The following GLCCI1 variants were observed in gnomAD, a reference collection of about 807,000 sequenced individuals.
GLCCI1 encodes the protein glucocorticoid induced 1, also known as glucocorticoid-induced transcript 1 protein.
GLCCI1 carries 24 observed loss-of-function variants against 52.2 expected under a neutral mutation model. The ratio of observed to expected loss-of-function variants is 0.46; its 90% CI spans 0.33 to 0.65. The LOEUF is 0.65. Ranked by LOEUF, GLCCI1 falls within the 30% of genes least tolerant of loss-of-function variation. GLCCI1 has a pLI of 0.02. For synonymous variants in GLCCI1, 310 were observed against 276.5 expected, an observed-to-expected ratio of 1.12 and a Z score of -1.20; for missense variants, 704 against 701.5, an observed-to-expected ratio of 1.00 and a Z score of -0.04.
At chr7:8,035,451 A>G (rs778177635) in intron 3 of GLCCI1, among the ~76,000 whole-genome samples, 11 of 152,294 alleles carry the variant, frequency 7.2e-5, no homozygotes, top group Admixed American at 7.2e-4. Context: ...GGCGTATCAC[A>G]AGACAGCCAT....
At position 8,008,453 on chromosome 7, in the gene GLCCI1, C is replaced by G. The variant is rs1008573475; in HGVS notation, c.609+4394C>G. Among the ~76,000 whole-genome samples the G allele has an allele frequency of 1.4e-4, 21 of 151,930 alleles. 1 individual carries two copies. The highest frequency in any genetic ancestry group is 4.8e-4 in the African/African-American group (20 of 41,354). On this transcript the variant is annotated intron_variant, in intron 2 of 7. Transcript: ENST00000223145. ...CTGGGACTACAGGCCCCTGCCATCA[C>G]GTCCAGCTAATTTTTGTATTTTTAG...
chr7:8,031,727 AAAC>A (rs1781755176), intron 3 of GLCCI1, among the ~76,000 whole-genome samples: 1 of 142,514 alleles, frequency 7.0e-6, no homozygotes, highest in Non-Finnish European at 1.5e-5. Context: ...ATTTTTAAAA[AAAC>A]AAACAGACTG....
chr7:7,988,949 A>C (rs1487535682), intron 1 of GLCCI1, among the ~76,000 whole-genome samples: 1 of 152,108 alleles, frequency 6.6e-6, no homozygotes, highest in Non-Finnish European at 1.5e-5. Context: ...TCAACTTAAA[A>C]ATTCTTATGT....
chr7:8,060,084 C>A lies in GLCCI1; in HGVS notation c.814-12C>A. ...ACAAATAATTTGATACCACCTTTAT[C>A]TTATCTCATAGGCTACTGGATCAAG... is the stretch of plus-strand genomic sequence containing the variant. On this transcript the variant is annotated splice_polypyrimidine_tract_variant and intron_variant, in intron 4 of 7. Coordinates refer to ENST00000223145, the MANE Select transcript of GLCCI1 (RefSeq NM_138426.4). 1 of 1,602,924 alleles carries A rather than the reference C, an allele frequency of 6.2e-7. No homozygotes were observed. Among genetic ancestry groups the A allele is most frequent in the South Asian group, 1.1e-5 (1 of 88,418 alleles).
chr7:8,077,010 T>G (rs1782889243), intron 6 of GLCCI1, among the ~76,000 whole-genome samples: 1 of 152,170 alleles, frequency 6.6e-6, no homozygotes, highest in South Asian at 2.1e-4. Context: ...ATAATTAAAC[T>G]AAGATTATGC....
chr7:7,970,802 G>A (rs559117181), intron 1 of GLCCI1, among the ~76,000 whole-genome samples: 50 of 152,306 alleles, frequency 3.3e-4, no homozygotes, highest in Non-Finnish European at 6.0e-4. Context: ...AGCTAATATT[G>A]TTAGATACCG....
intron 3 of GLCCI1, among the ~76,000 whole-genome samples, chr7:8,028,616 G>GCT (rs778650958): frequency 1.3e-4 from 19 of 151,978 alleles, no homozygotes; most frequent in Non-Finnish European, 2.2e-4. Flanking sequence ...AAAGATCAGA[G>GCT]CTGAAATAAA....
intron 2 of GLCCI1, among the ~76,000 whole-genome samples, chr7:8,016,421 A>T (rs1403674628): frequency 6.6e-6 from 1 of 152,202 alleles, no homozygotes; most frequent in African/African-American, 2.4e-5. Flanking sequence ...GCGAGCCGAG[A>T]TCGCACCACT....
rs1387478071 is a variant in GLCCI1, at chr7:7,968,867, C to G, written c.-484C>G. On this transcript the variant is annotated 5_prime_UTR_variant, in exon 1 of 8. Coordinates refer to ENST00000223145, the MANE Select transcript of GLCCI1 (RefSeq NM_138426.4). Reference sequence around the variant, plus strand: ...GCGGCGTTTGCGGTGGCGCGGACTCCGAGGAGCGCCAGCACCTCGAGGCCC... The same window carrying G: ...GCGGCGTTTGCGGTGGCGCGGACTCGGAGGAGCGCCAGCACCTCGAGGCCC... 1.9e-5 allele frequency: 3 copies of G among 159,072 alleles called. No individual in the cohort carries two copies. The highest frequency in any genetic ancestry group is 4.1e-5 in the Non-Finnish European group (3 of 72,712). 9.9% of individuals were successfully genotyped at this position (159,072 alleles called of 1,614,324 possible). A position where few individuals can be genotyped will look rare whatever the true frequency, so the allele number is the denominator to read the frequency against.
intron 3 of GLCCI1, among the ~76,000 whole-genome samples, chr7:8,037,220 G>A (rs1010851067): frequency 2.0e-5 from 3 of 152,176 alleles, no homozygotes; most frequent in African/African-American, 7.2e-5. Context: ...TAAGCCAGAA[G>A]AGGTTGGGTG....
chr7:8,038,521 A>G (rs1420852322), intron 3 of GLCCI1, among the ~76,000 whole-genome samples: 1 of 152,220 alleles, frequency 6.6e-6, no homozygotes, highest in Non-Finnish European at 1.5e-5. Flanking sequence ...ACTCTTTTGA[A>G]TAAATGGTCC....
chr7:8,046,937 A>C (rs1029798641), intron 3 of GLCCI1, among the ~76,000 whole-genome samples: 1 of 152,162 alleles, frequency 6.6e-6, no homozygotes, highest in African/African-American at 2.4e-5. Context: ...AAAATTTGTT[A>C]GATTTGGAGA....
intron 1 of GLCCI1, among the ~76,000 whole-genome samples, chr7:7,993,518 A>C (rs1780884577): frequency 6.6e-6 from 1 of 152,184 alleles, no homozygotes; most frequent in South Asian, 2.1e-4. Flanking sequence ...TCACTTGCAA[A>C]TCAGATTGTG....
intron 3 of GLCCI1, among the ~76,000 whole-genome samples, chr7:8,045,230 G>A (rs1782094078): frequency 6.6e-6 from 1 of 152,162 alleles, no homozygotes; most frequent in Non-Finnish European, 1.5e-5. Context: ...TTAGTGCACA[G>A]GATGAGAACC....
chr7:7,998,933 T>C (rs1780999305), intron 1 of GLCCI1, among the ~76,000 whole-genome samples: 1 of 152,072 alleles, frequency 6.6e-6, no homozygotes, highest in Non-Finnish European at 1.5e-5. Flanking sequence ...AAAATATAAT[T>C]TCTGTATTTT....
rs966054819 is a variant in GLCCI1, at chr7:7,983,215, G to T, written c.457+13408G>T. On this transcript the variant is annotated intron_variant, in intron 1 of 7. Transcript: ENST00000223145. Reference sequence around the variant, plus strand: ...TCTTACGGCCTCTGACTATAACCATGTAAGAAACTGTATAAAATTGTATGT... The same window carrying T: ...TCTTACGGCCTCTGACTATAACCATTTAAGAAACTGTATAAAATTGTATGT... Among the ~76,000 whole-genome samples the T allele has an allele frequency of 4.6e-5, 7 of 152,112 alleles. No homozygotes were observed. The East Asian group carries it at 1.2e-3, about 25-fold the overall frequency.
At chr7:8,058,284 A>C (rs983185994) in intron 4 of GLCCI1, among the ~76,000 whole-genome samples, 1 of 152,232 alleles carries the variant, frequency 6.6e-6, no homozygotes, top group African/African-American at 2.4e-5. Flanking sequence ...GTCTTAACAC[A>C]TTAATAGATG....
At chr7:8,015,084 G>C (rs774620184) in intron 2 of GLCCI1, among the ~76,000 whole-genome samples, 4 of 152,140 alleles carry the variant, frequency 2.6e-5, no homozygotes, top group Admixed American at 6.6e-5. Context: ...AGACTAAGTA[G>C]TTAGCATTTG....
At chr7:7,975,908 A>G (rs377599191) in intron 1 of GLCCI1, among the ~76,000 whole-genome samples, 8 of 152,172 alleles carry the variant, frequency 5.3e-5, no homozygotes, top group African/African-American at 1.9e-4. Context: ...ATCACTTTGT[A>G]GTGAATATAA....
Sources: allele counts gnomAD v4.1 joint callset (sites outside exome capture counted in the v4.1 genomes callset), GRCh38; gene constraint gnomAD v4.1.1; transcripts MANE v1.5; gene names NCBI Gene and HGNC (gene_info 2026-07-23, HGNC 2026-07-21).